Variants in AP3M1 observed in about 807,000 individuals in gnomAD.
The protein encoded by AP3M1 is adaptor related protein complex 3 subunit mu 1, also known as AP-3 complex subunit mu-1.
Under a neutral mutation model 42.6 loss-of-function variants are expected in AP3M1, and 29 were observed. The ratio of observed to expected loss-of-function variants is 0.68; its 90% CI spans 0.51 to 0.93. AP3M1 has a LOEUF of 0.93. Among genes scored for constraint, AP3M1 ranks in the 40% least tolerant of loss-of-function variants. The probability of loss-of-function intolerance (pLI) is 0.00; values close to 1 mark genes in which losing one functional copy is unlikely to be tolerated. For synonymous variants in AP3M1, 178 were observed against 175.3 expected, an observed-to-expected ratio of 1.02 and a Z score of -0.12; for missense variants, 416 against 510.2, an observed-to-expected ratio of 0.82 and a Z score of 1.78.
intron 6 of AP3M1, among the ~76,000 whole-genome samples, chr10:74,127,521 C>T (rs371947187): frequency 3.3e-5 from 5 of 151,634 alleles, no homozygotes; most frequent in African/African-American, 7.3e-5. Flanking sequence ...TAGCTGGGCG[C>T]GGTGGCAGGT....
intron 1 of AP3M1, among the ~76,000 whole-genome samples, chr10:74,148,553 AT>A (rs912202915): frequency 6.6e-6 from 1 of 151,510 alleles, no homozygotes. Context: ...GTGTATATGT[AT>A]TTTTTTTTAA....
At chr10:74,124,657 C>CTG in intron 7 of AP3M1, 133 bp from the exon 8 acceptor site, 1 of 697,954 alleles carries the variant, frequency 1.4e-6, no homozygotes, top group East Asian at 2.8e-5. Context: ...GATCTGGCAT[C>CTG]TACAGTGAGT....
At chr10:74,126,682 C>A (rs1178471638) in intron 6 of AP3M1, among the ~76,000 whole-genome samples, 3 of 151,910 alleles carry the variant, frequency 2.0e-5, no homozygotes, top group African/African-American at 7.3e-5. Flanking sequence ...CATGATGAAA[C>A]CTCGTCTCTA....
intron 4 of AP3M1, among the ~76,000 whole-genome samples, chr10:74,130,802 A>T (rs1840757523): frequency 6.6e-6 from 1 of 152,120 alleles, no homozygotes; most frequent in South Asian, 2.1e-4. Flanking sequence ...ACCCTGTAAG[A>T]TGACTGGATA....
intron 4 of AP3M1, among the ~76,000 whole-genome samples, chr10:74,132,854 AG>A (rs1450619467): frequency 6.6e-6 from 1 of 152,246 alleles, no homozygotes; most frequent in African/African-American, 2.4e-5. Flanking sequence ...AGAGGTACAT[AG>A]GGTAATAATT....
intron 6 of AP3M1, 37 bp from the exon 7 acceptor site, chr10:74,126,392 A>T: frequency 1.3e-6 from 2 of 1,560,858 alleles, no homozygotes; most frequent in Non-Finnish European, 1.8e-6. Flanking sequence ...AAAAGCACAA[A>T]CACAATTAAT....
In AP3M1 at chr10:74,124,257, T is replaced by C; in HGVS notation, c.1156+123A>G. On this transcript the variant is annotated intron_variant, in intron 8 of 8. Transcript: ENST00000355264. ...TGTGAGACTGCCCCACCAAGCACAG[T>C]ATAAAAGGCAAATGGGCTACTGCTC... 4 of 1,233,112 alleles carry C rather than the reference T, an allele frequency of 3.2e-6. No individual in the cohort carries two copies. The South Asian group carries it at 6.4e-5, about 20-fold the overall frequency. The allele number at this position is 1,233,112 out of a possible 1,614,324, so 76.4% of individuals were successfully genotyped here. A position where few individuals can be genotyped will look rare whatever the true frequency, so the allele number is the denominator to read the frequency against.
chr10:74,146,841 G>T (rs1012090592), intron 1 of AP3M1, among the ~76,000 whole-genome samples: 1 of 150,490 alleles, frequency 6.6e-6, no homozygotes, highest in Non-Finnish European at 1.5e-5. Context: ...CAAGGAAGTG[G>T]ACCTAAAGAA....
chr10:74,125,724 T>A (rs1840593768), intron 7 of AP3M1, among the ~76,000 whole-genome samples: 1 of 152,150 alleles, frequency 6.6e-6, no homozygotes, highest in African/African-American at 2.4e-5. Context: ...TGTGAAAGAG[T>A]ATGAAATAAT....
intron 6 of AP3M1, among the ~76,000 whole-genome samples, chr10:74,127,672 CAA>C: frequency 6.6e-6 from 1 of 151,528 alleles, no homozygotes; most frequent in East Asian, 1.9e-4. Flanking sequence ...AACAAACAAA[CAA>C]AACAAAATAA....
intron 3 of AP3M1, among the ~76,000 whole-genome samples, chr10:74,134,981 T>A (rs1486061748): frequency 3.3e-5 from 5 of 152,180 alleles, no homozygotes; most frequent in Non-Finnish European, 1.5e-5. Flanking sequence ...ACCAGAAGGT[T>A]GCATTTTTTT....
At position 74,134,114 on chromosome 10, in the gene AP3M1, G is replaced by C; in HGVS notation, c.496C>G (p.Pro166Ala). 1 of 1,614,146 alleles carries C rather than the reference G, an allele frequency of 6.2e-7. No homozygotes were observed. Among genetic ancestry groups the C allele is most frequent in the Non-Finnish European group, 8.5e-7 (1 of 1,180,022 alleles). Residue 166 changes from proline (P) to alanine (A), a missense_variant, in exon 4 of 9, where the codon CCA (proline) becomes GCA (alanine). Pro to Ala is a conservative substitution (Grantham distance 27). Transcript: ENST00000355264. ...TLPTGQLSNI[P>A]WRRAGVKYTN... is the part of the protein sequence containing the mutation. ...TACTTTACCCCTGCCCGACGCCATG[G>C]TATGTTGGACAGCTGCCCGGTGGGG...
chr10:74,125,105 C>A (rs1840576277), intron 7 of AP3M1, among the ~76,000 whole-genome samples: 2 of 152,190 alleles, frequency 1.3e-5, no homozygotes, highest in South Asian at 4.1e-4. Flanking sequence ...CTCAGCCTCC[C>A]AAGCAGCTGG....
At chr10:74,139,680 G>A (rs192230315) in intron 1 of AP3M1, among the ~76,000 whole-genome samples, 80 of 151,856 alleles carry the variant, frequency 5.3e-4, no homozygotes, top group African/African-American at 1.9e-3. Context: ...CACTTTGGGA[G>A]GCCGAGGTGG....
chr10:74,124,305 T>C, intron 8 of AP3M1, 75 bp downstream of exon 8: 2 of 1,518,808 alleles, frequency 1.3e-6, no homozygotes, highest in Non-Finnish European at 1.8e-6. Context: ...GAAACTTTTG[T>C]TACTCTTCTA....
intron 2 of AP3M1, among the ~76,000 whole-genome samples, chr10:74,137,011 G>A (rs920294826): frequency 2.6e-5 from 4 of 152,150 alleles, no homozygotes; most frequent in East Asian, 1.9e-4. Context: ...AGGCTGAGGC[G>A]GATGCATCAC....
intron 1 of AP3M1, among the ~76,000 whole-genome samples, chr10:74,139,579 C>T (rs534449122): frequency 2.7e-5 from 4 of 147,416 alleles, no homozygotes; most frequent in Admixed American, 6.7e-5. Context: ...GTCGGGAGTT[C>T]AAGACCAGCC....
chr10:74,123,051 T>TTTA lies in AP3M1; in HGVS notation c.*758_*759insTAA, dbSNP rs1292599395. 6.5e-6 allele frequency: 1 copy of TTTA among 152,676 alleles called. No homozygotes were observed. Among genetic ancestry groups the TTTA allele is most frequent in the Non-Finnish European group, 1.5e-5 (1 of 68,046 alleles). 9.5% of individuals were successfully genotyped at this position (152,676 alleles called of 1,614,324 possible). A position where few individuals can be genotyped will look rare whatever the true frequency, so the allele number is the denominator to read the frequency against. On this transcript the variant is annotated 3_prime_UTR_variant, in exon 9 of 9. Transcript: ENST00000355264. ...AGAAGTAATGTTCCCTTTTACTACC[T>TTTA]TAATAAAGCATTTGCCCCTTTGATA...
intron 1 of AP3M1, among the ~76,000 whole-genome samples, chr10:74,140,476 C>T (rs1841110688): frequency 1.3e-5 from 2 of 152,168 alleles, no homozygotes; most frequent in South Asian, 2.1e-4. Flanking sequence ...GACTTCCCCT[C>T]ACACTTGACA....
Sources: gnomAD v4.1 joint callset for allele counts (sites outside exome capture counted in the v4.1 genomes callset) on GRCh38, gnomAD v4.1.1 for gene constraint, MANE v1.5 for transcripts, NCBI Gene and HGNC (gene_info 2026-07-23, HGNC 2026-07-21) for gene names.